Variants in HMGN4 observed in about 807,000 individuals in gnomAD.
HMGN4 encodes high mobility group nucleosomal binding domain 4.
For synonymous variants in HMGN4, 39 were observed against 39.1 expected (o/e 1.00, Z 0.01); for missense variants, 69 against 104.9 (o/e 0.66, Z 1.49).
In HMGN4 at chr6:26,545,147, T is replaced by G. The variant is rs972952684; in HGVS notation, c.-60T>G. Reference sequence around the variant, plus strand: ...TAAAGACATCTTTCCAGGAACAGCGTGAGGAGGACAGAAGCACCCAACAGG... The same window carrying G: ...TAAAGACATCTTTCCAGGAACAGCGGGAGGAGGACAGAAGCACCCAACAGG... On this transcript the variant is annotated 5_prime_UTR_variant, in exon 2 of 2. Coordinates refer to ENST00000377575, the MANE Select transcript of HMGN4 (RefSeq NM_006353.3). 2.8e-6 allele frequency: 4 copies of G among 1,404,958 alleles called. No homozygotes were observed. The highest frequency in any genetic ancestry group is 3.8e-6 in the Non-Finnish European group (4 of 1,056,084). The allele number at this position is 1,404,958 out of a possible 1,614,324, so 87.0% of individuals were successfully genotyped here.
intron 1 of HMGN4, among the ~76,000 whole-genome samples, chr6:26,543,259 A>G (rs997541174): frequency 6.6e-6 from 1 of 152,004 alleles, no homozygotes; most frequent in African/African-American, 2.4e-5. Flanking sequence ...TTTGTTTCCT[A>G]AAAATTGTTA....
At chr6:26,541,810 T>C (rs766214265) in intron 1 of HMGN4, among the ~76,000 whole-genome samples, 3 of 152,228 alleles carry the variant, frequency 2.0e-5, no homozygotes, top group South Asian at 4.1e-4. Context: ...AGGAGTTAAA[T>C]TGAGAGCTTT....
rs928874862 is a variant in HMGN4, at chr6:26,546,392, C to T, written c.*913C>T. 20 of 167,030 alleles carry T rather than the reference C, an allele frequency of 1.2e-4. No individual in the cohort carries two copies. The highest frequency in any genetic ancestry group is 3.4e-4 in the African/African-American group (14 of 41,444). 10.3% of individuals were successfully genotyped at this position (167,030 alleles called of 1,614,324 possible). A position where few individuals can be genotyped will look rare whatever the true frequency, so the allele number is the denominator to read the frequency against. On this transcript the variant is annotated 3_prime_UTR_variant, in exon 2 of 2. Coordinates refer to ENST00000377575, the MANE Select transcript of HMGN4 (RefSeq NM_006353.3). ...ATTATGAGTTAGAAATTCAACTTAA[C>T]ATTTTTCATATTCGAAGTGGTTGTC...
intron 1 of HMGN4, among the ~76,000 whole-genome samples, chr6:26,543,885 G>A (rs1764318853): frequency 6.7e-6 from 1 of 150,082 alleles, no homozygotes; most frequent in South Asian, 2.1e-4. Context: ...CCCAGTAAAT[G>A]TTTTCAAGGG....
rs1764354939 is a variant in HMGN4 at position 26,546,727 on chromosome 6, T to C, written c.*1248T>C. 6.6e-6 allele frequency among the ~76,000 whole-genome samples: 1 copy of C among 152,242 alleles called. No homozygotes were observed. Among genetic ancestry groups the C allele is most frequent in the South Asian group, 2.1e-4 (1 of 4,836 alleles). On this transcript the variant is annotated 3_prime_UTR_variant, in exon 2 of 2. Coordinates refer to ENST00000377575, the MANE Select transcript of HMGN4 (RefSeq NM_006353.3). ...CTATTCTTAGCCAACTGTTCCTCCATATTACTTCTAGAATTAGACCAACAA... is the reference window on the plus strand; with the variant it reads ...CTATTCTTAGCCAACTGTTCCTCCACATTACTTCTAGAATTAGACCAACAA...
chr6:26,541,291 A>G (rs1764285155), intron 1 of HMGN4, among the ~76,000 whole-genome samples: 1 of 152,168 alleles, frequency 6.6e-6, no homozygotes, highest in Non-Finnish European at 1.5e-5. Context: ...TTGGCCTCCC[A>G]AAGTTCTGGG....
intron 1 of HMGN4, among the ~76,000 whole-genome samples, chr6:26,541,115 C>T (rs1408369444): frequency 6.6e-6 from 1 of 152,084 alleles, no homozygotes; most frequent in African/African-American, 2.4e-5. Context: ...GGCGCAATCT[C>T]GGCTCACTGC....
intron 1 of HMGN4, among the ~76,000 whole-genome samples, chr6:26,543,768 C>CAAAA (rs60635902): frequency 7.8e-5 from 3 of 38,332 alleles, no homozygotes; most frequent in African/African-American, 2.9e-4. Flanking sequence ...GACTCTATCT[C>CAAAA]AAAAAAAAAA....
Sources: gnomAD v4.1 joint callset for allele counts (sites outside exome capture counted in the v4.1 genomes callset) on GRCh38, gnomAD v4.1.1 for gene constraint, MANE v1.5 for transcripts, NCBI Gene and HGNC (gene_info 2026-07-23, HGNC 2026-07-21) for gene names.